The following AKR1B15 variants were observed in gnomAD, a reference collection of about 807,000 sequenced individuals.
AKR1B15 encodes estradiol 17-beta-dehydrogenase AKR1B15.
In AKR1B15, 49 loss-of-function variants were observed where a neutral mutation model predicts 38.5. The ratio of observed to expected loss-of-function variants is 1.27; its 90% confidence interval spans 1.01 to 1.62. The LOEUF (loss-of-function observed/expected upper bound fraction) is 1.62. Ranked by LOEUF, AKR1B15 falls within the 40% of genes most tolerant of loss-of-function variation. AKR1B15 has a pLI of 0.00. For synonymous variants in AKR1B15, 137 were observed against 135.5 expected (o/e 1.01, Z -0.08); for missense variants, 411 against 381.6 (o/e 1.08, Z -0.64).
chr7:134,550,467 G>A (rs1562937747), intron 1 of AKR1B15, among the ~76,000 whole-genome samples: 2 of 152,108 alleles, frequency 1.3e-5, no homozygotes, highest in Admixed American at 6.5e-5. Context: ...AGTCAAGAAG[G>A]GGGGGTCACC....
At chr7:134,561,375 T>C (rs1794385897) in intron 2 of AKR1B15, among the ~76,000 whole-genome samples, 1 of 152,104 alleles carries the variant, frequency 6.6e-6, no homozygotes, top group African/African-American at 2.4e-5. Flanking sequence ...TGTGGCTAAT[T>C]TTAGGATTTT....
Position 134,554,969 on chromosome 7 carries a change from A to C in AKR1B15, c.-146-1767A>C, listed in dbSNP as rs545091313. ...AGAATGCATGAACCCCATCCTAAAAAGTACTCTTGCAAAATTAATCCTAGA... is the reference window on the plus strand; with the variant it reads ...AGAATGCATGAACCCCATCCTAAAACGTACTCTTGCAAAATTAATCCTAGA... On this transcript the variant is annotated intron_variant, in intron 1 of 11. Coordinates refer to ENST00000457545, the MANE Select transcript of AKR1B15 (RefSeq NM_001080538.3). 2.0e-5 allele frequency among the ~76,000 whole-genome samples: 3 copies of C among 152,336 alleles called. No homozygotes were observed. In the East Asian group the frequency reaches 5.8e-4, roughly 29 times the overall value.
rs756743854 is a variant in AKR1B15, at chr7:134,575,429, G to C, written c.523G>C (p.Glu175Gln). Reference protein sequence around the residue: ...TFLDAWEAMEELVDEGLVKAL... With the variant: ...TFLDAWEAMEQLVDEGLVKAL... ...TTCCTTTCTATGATAGGCCATGGAG[G>C]AGCTGGTGGACGAGGGGCTGGTGAA... The change falls in exon 7 of 12, where the codon GAG becomes CAG. Residue 175 changes from glutamate to glutamine, a missense_variant. Around this residue, in one of 3 missense-constraint regions of AKR1B15, gnomAD observed 254 missense variants for 212.4 expected, o/e 1.20. Coordinates refer to ENST00000457545, the MANE Select transcript of AKR1B15 (RefSeq NM_001080538.3). 2 of 1,613,684 alleles carry C rather than the reference G, an allele frequency of 1.2e-6. No homozygotes were observed. Among genetic ancestry groups the C allele is most frequent in the Non-Finnish European group, 1.7e-6 (2 of 1,179,804 alleles).
chr7:134,570,632 G>T (rs1227976058), intron 5 of AKR1B15, among the ~76,000 whole-genome samples: 4 of 152,182 alleles, frequency 2.6e-5, no homozygotes, highest in Non-Finnish European at 5.9e-5. Context: ...GAATTATCAG[G>T]GGCGGATTCA....
At chr7:134,568,971 A>G (rs1794605865) in intron 4 of AKR1B15, among the ~76,000 whole-genome samples, 1 of 152,132 alleles carries the variant, frequency 6.6e-6, no homozygotes, top group African/African-American at 2.4e-5. Flanking sequence ...AGCCCTTTTA[A>G]AGTTATCACT....
rs571298494 is a variant in AKR1B15, at chr7:134,577,001, G to C, written c.864G>C (p.Val288=). Residue 288 remains valine, a synonymous_variant, in exon 10 of 12, where the codon GTG becomes GTC. Transcript: ENST00000457545. ...IRFHIQRNVT[V]IPKSMTPAHI... is the part of the protein sequence containing the mutation. ...TCCATATCCAGAGGAATGTGACAGT[G>C]ATCCCCAAGTCTATGACACCAGCAC... 17 of 1,613,926 alleles carry C rather than the reference G, an allele frequency of 1.1e-5. No homozygotes were observed. The highest frequency in any genetic ancestry group is 3.3e-5 in the Admixed American group (2 of 60,018).
intron 2 of AKR1B15, among the ~76,000 whole-genome samples, chr7:134,562,055 C>T (rs1442553069): frequency 6.6e-6 from 1 of 152,148 alleles, no homozygotes; most frequent in Non-Finnish European, 1.5e-5. Context: ...ACAATCTCGG[C>T]TCACTGCAAC....
intron 2 of AKR1B15, among the ~76,000 whole-genome samples, chr7:134,560,526 T>C (rs543103891): frequency 1.3e-5 from 2 of 152,318 alleles, no homozygotes; most frequent in Non-Finnish European, 2.9e-5. Flanking sequence ...AGCTAATAGA[T>C]ATACCTTCTT....
At chr7:134,560,507 C>T (rs1794353775) in intron 2 of AKR1B15, among the ~76,000 whole-genome samples, 1 of 152,170 alleles carries the variant, frequency 6.6e-6, no homozygotes, top group Admixed American at 6.5e-5. Context: ...TGGGTTGTTA[C>T]ACGAAAACAG....
At chr7:134,575,741 T>A (rs1173295114) in intron 7 of AKR1B15, 80 bp from the exon 8 acceptor site, 60 of 1,593,940 alleles carry the variant, frequency 3.8e-5, no homozygotes, top group Non-Finnish European at 4.8e-5. Context: ...TTGGTGGACT[T>A]TTTTTGTGTG....
chr7:134,576,489 A>C, intron 9 of AKR1B15, 59 bp downstream of exon 9: 3 of 1,584,056 alleles, frequency 1.9e-6, no homozygotes, highest in Non-Finnish European at 2.6e-6. Flanking sequence ...CTCATGTTTC[A>C]TTTCTCGTGT....
intron 2 of AKR1B15, among the ~76,000 whole-genome samples, chr7:134,560,781 G>A (rs369051323): frequency 2.6e-5 from 4 of 152,086 alleles, no homozygotes; most frequent in Non-Finnish European, 5.9e-5. Context: ...CACGAAAGAC[G>A]GCGAACACCA....
intron 2 of AKR1B15, among the ~76,000 whole-genome samples, chr7:134,562,921 CCTTG>C (rs1457736156): frequency 1.4e-5 from 2 of 147,030 alleles, no homozygotes; most frequent in Admixed American, 6.9e-5. Context: ...TTCCTTCCTT[CCTTG>C]CTCCCTTCCT....
chr7:134,565,855 G>C (rs906129385), intron 3 of AKR1B15, among the ~76,000 whole-genome samples: 5 of 152,152 alleles, frequency 3.3e-5, no homozygotes, highest in African/African-American at 1.2e-4. Flanking sequence ...TTGGGCACAA[G>C]GTTTCCCCAG....
chr7:134,553,925 C>A (rs1053205186), intron 1 of AKR1B15, among the ~76,000 whole-genome samples: 9 of 152,152 alleles, frequency 5.9e-5, no homozygotes, highest in African/African-American at 2.2e-4. Context: ...TACTGTAGGC[C>A]CAGGCACTGC....
At chr7:134,560,339 TG>T (rs1444395611) in intron 2 of AKR1B15, among the ~76,000 whole-genome samples, 1 of 152,124 alleles carries the variant, frequency 6.6e-6, no homozygotes, top group Non-Finnish European at 1.5e-5. Context: ...AGAGGGTCCC[TG>T]TCTTCCCTGA....
chr7:134,572,269 G>GTGTGT (rs1794683238), intron 6 of AKR1B15, among the ~76,000 whole-genome samples: 1 of 152,116 alleles, frequency 6.6e-6, no homozygotes, highest in Non-Finnish European at 1.5e-5. Context: ...TGGCAGAGCT[G>GTGTGT]GGATTAGACC....
At position 134,565,523 on chromosome 7, in the gene AKR1B15, A is replaced by C. The variant is rs372089112; in HGVS notation, c.150+754A>C. On this transcript the variant is annotated intron_variant, in intron 3 of 11. Coordinates refer to ENST00000457545, the MANE Select transcript of AKR1B15 (RefSeq NM_001080538.3). The stretch of plus-strand genomic sequence containing the variant: ...GCTCAGTACAAAAGCCAAGATGCCC[A>C]TTGTGGGCCTGGGCACTTGGAGGGT... The C allele has an allele frequency of 5.0e-6, 8 of 1,613,842 alleles. No homozygotes were observed. In the South Asian group the frequency reaches 8.8e-5, roughly 18 times the overall value.
intron 3 of AKR1B15, chr7:134,565,502 A>G (rs1232047859): frequency 3.7e-6 from 6 of 1,613,730 alleles, no homozygotes; most frequent in African/African-American, 2.7e-5. Context: ...TGTGGAGCTC[A>G]GTACAAAAGC....
Sources: allele counts gnomAD v4.1 joint callset (sites outside exome capture counted in the v4.1 genomes callset), GRCh38; gene constraint gnomAD v4.1.1; regional missense constraint gnomAD v4.1.1; transcripts MANE v1.5; gene names NCBI Gene and HGNC (gene_info 2026-07-23, HGNC 2026-07-21).